Variants in ARHGAP32 observed in about 807,000 individuals in gnomAD.
ARHGAP32 encodes rho GTPase-activating protein 32.
In ARHGAP32, 51 loss-of-function variants were observed where a neutral mutation model predicts 186.5. That is an observed-to-expected ratio of 0.27 (90% CI 0.22 to 0.35). ARHGAP32 has a LOEUF of 0.35. Ranked by LOEUF, ARHGAP32 falls within the 10% of genes least tolerant of loss-of-function variation. The pLI, the probability that ARHGAP32 is intolerant of heterozygous loss-of-function variation, is 1.00. For synonymous variants in ARHGAP32, 950 were observed against 964.3 expected, an observed-to-expected ratio of 0.99 and a Z score of 0.27; for missense variants, 2,186 against 2,623.5, an observed-to-expected ratio of 0.83 and a Z score of 3.64.
Position 129,099,975 on chromosome 11 carries a change from G to T in ARHGAP32, c.445-6268C>A, listed in dbSNP as rs376570936. Among the ~76,000 whole-genome samples the T allele has an allele frequency of 1.5e-4, 23 of 152,314 alleles. No homozygotes were observed. The East Asian group carries it at 1.5e-3, about 10-fold the overall frequency. On this transcript the variant is annotated intron_variant, in intron 5 of 22. Coordinates refer to ENST00000682385, the MANE Select transcript of ARHGAP32 (RefSeq NM_001378024.1). ...TCGTTCCTGGATCCCAACAGCTCCC[G>T]GGGAAGAGGTGAATTGAACTGGCAA...
chr11:129,024,675 C>T (rs1938753810), intron 11 of ARHGAP32, among the ~76,000 whole-genome samples: 1 of 152,196 alleles, frequency 6.6e-6, no homozygotes, highest in East Asian at 1.9e-4. Context: ...ATGGGAAATC[C>T]AGAATTAAAC....
chr11:129,018,602 CT>C (rs1437457740), intron 11 of ARHGAP32, among the ~76,000 whole-genome samples: 1 of 152,136 alleles, frequency 6.6e-6, no homozygotes, highest in African/African-American at 2.4e-5. Flanking sequence ...TCGCATTCAT[CT>C]TGGGAAATAT....
intron 1 of ARHGAP32, among the ~76,000 whole-genome samples, chr11:129,244,936 A>G (rs868119791): frequency 1.7e-4 from 26 of 151,476 alleles, no homozygotes; most frequent in Non-Finnish European, 2.2e-4. Context: ...AATCATTAAA[A>G]AGTCAGGAAA....
At chr11:129,103,014 C>G (rs1276035939) in intron 5 of ARHGAP32, among the ~76,000 whole-genome samples, 2 of 152,138 alleles carry the variant, frequency 1.3e-5, no homozygotes, top group Non-Finnish European at 2.9e-5. Flanking sequence ...AAATGTGGTG[C>G]ACACATTTAC....
intron 13 of ARHGAP32, among the ~76,000 whole-genome samples, chr11:128,987,449 A>ATTAT (rs1945906961): frequency 6.6e-6 from 1 of 152,220 alleles, no homozygotes; most frequent in Non-Finnish European, 1.5e-5. Flanking sequence ...AAGTATTAAA[A>ATTAT]TCTCTACAGA....
At chr11:129,120,161 C>A (rs1045454894) in intron 5 of ARHGAP32, among the ~76,000 whole-genome samples, 1 of 151,928 alleles carries the variant, frequency 6.6e-6, no homozygotes, top group East Asian at 1.9e-4. Flanking sequence ...ATGGTTAGAT[C>A]CTGGATTTAT....
intron 5 of ARHGAP32, among the ~76,000 whole-genome samples, chr11:129,115,485 G>C (rs549671588): frequency 1.3e-5 from 2 of 152,164 alleles, no homozygotes; most frequent in Admixed American, 6.6e-5. Flanking sequence ...TAAAGTAACC[G>C]ATGTGCTCAT....
chr11:129,030,390 T>A (rs954120993), intron 11 of ARHGAP32: 2 of 152,130 alleles, frequency 1.3e-5, no homozygotes, highest in East Asian at 1.9e-4. Flanking sequence ...TAATACTGAA[T>A]GTAAAATAAC....
At chr11:128,996,697 C>T (rs1320951563) in intron 12 of ARHGAP32, among the ~76,000 whole-genome samples, 2 of 152,042 alleles carry the variant, frequency 1.3e-5, no homozygotes, top group African/African-American at 4.8e-5. Flanking sequence ...ACAATGGATT[C>T]TTATGTACAG....
rs1946155082 is a variant in ARHGAP32 at position 128,994,845 on chromosome 11, C to G, written c.1195+3474G>C. 2.6e-5 allele frequency among the ~76,000 whole-genome samples: 4 copies of G among 152,186 alleles called. No homozygotes were observed. The South Asian group carries it at 8.3e-4, about 32-fold the overall frequency. On this transcript the variant is annotated intron_variant, in intron 12 of 22. Transcript: ENST00000682385. The stretch of plus-strand genomic sequence containing the variant: ...TCATTTCTTACCAACCCTGATGAAA[C>G]AGGAAATTATTTTAATATGCCAAGT...
At position 128,969,793 on chromosome 11, in the gene ARHGAP32, C is replaced by A. The variant is rs781447623; in HGVS notation, c.5420G>T (p.Arg1807Leu). ...AGTTTTCCCAGGATCTGATTTACTA[C>A]GCAGATGGATGACATAGATCCCACC... ...DLGGIYVIHL[R>L]SKSDPGKTGL... is the part of the protein sequence containing the mutation. Residue 1807 changes from arginine (R) to leucine (L), a missense_variant, in exon 23 of 23, where the codon CGT becomes CTT. Physicochemically the swap from Arg to Leu is moderately radical, Grantham distance 102. Around this residue, in one of 5 missense-constraint regions of ARHGAP32, gnomAD observed 1,502 missense variants for 1,570.0 expected, o/e 0.96. Coordinates refer to ENST00000682385, the MANE Select transcript of ARHGAP32 (RefSeq NM_001378024.1). The surrounding 1 kb of genome is among the most constrained non-coding windows in gnomAD (Gnocchi z 4.8). 1 of 1,614,132 alleles carries A rather than the reference C, an allele frequency of 6.2e-7. No individual in the cohort carries two copies. Among genetic ancestry groups the A allele is most frequent in the Non-Finnish European group, 8.5e-7 (1 of 1,180,038 alleles).
intron 1 of ARHGAP32, among the ~76,000 whole-genome samples, chr11:129,177,761 C>T (rs535915729): frequency 1.2e-4 from 19 of 152,202 alleles, no homozygotes; most frequent in African/African-American, 4.3e-4. Context: ...AAACTCTCAA[C>T]AAATTAGGTA....
intron 1 of ARHGAP32, among the ~76,000 whole-genome samples, chr11:129,225,719 G>A (rs551510260): frequency 1.3e-5 from 2 of 152,068 alleles, no homozygotes; most frequent in African/African-American, 2.4e-5. Flanking sequence ...TACAAGACAC[G>A]CCAAGAAATA....
At chr11:129,191,658 G>A (rs1407060105) in intron 1 of ARHGAP32, among the ~76,000 whole-genome samples, 1 of 99,750 alleles carries the variant, frequency 1.0e-5, no homozygotes, top group East Asian at 2.5e-4. Flanking sequence ...AAGCAGGCAG[G>A]CAGGCAGGCA....
intron 1 of ARHGAP32, among the ~76,000 whole-genome samples, chr11:129,264,244 G>C (rs1363649161): frequency 6.6e-6 from 1 of 152,110 alleles, no homozygotes; most frequent in African/African-American, 2.4e-5. Context: ...TGGGAGAAGG[G>C]GAAAATGGCA....
At position 128,988,012 on chromosome 11, in the gene ARHGAP32, T is replaced by G; in HGVS notation, c.1298+11A>C. 1.3e-6 allele frequency: 2 copies of G among 1,596,816 alleles called. No individual in the cohort carries two copies. Among genetic ancestry groups the G allele is most frequent in the Non-Finnish European group, 8.6e-7 (1 of 1,165,244 alleles). The stretch of plus-strand genomic sequence containing the variant: ...TAAGAAGGAGTGAAAAAGTGCCATA[T>G]AAGATTTTACCGTAGTCTCTGGATA... On this transcript the variant is annotated intron_variant, in intron 13 of 22. Coordinates refer to ENST00000682385, the MANE Select transcript of ARHGAP32 (RefSeq NM_001378024.1).
intron 1 of ARHGAP32, among the ~76,000 whole-genome samples, chr11:129,264,651 T>C (rs12277797): frequency 0.022 from 3,404 of 152,218 alleles, 69 homozygotes; most frequent in African/African-American, 0.051. Flanking sequence ...AATAGAACCA[T>C]AGGAGACAGA....
At chr11:129,215,969 G>A (rs1364594922) in intron 1 of ARHGAP32, among the ~76,000 whole-genome samples, 1 of 152,082 alleles carries the variant, frequency 6.6e-6, no homozygotes, top group Non-Finnish European at 1.5e-5. Flanking sequence ...GAGGGGGTCT[G>A]GACACAGAGG....
chr11:129,022,106 T>C (rs1249056308), intron 11 of ARHGAP32, among the ~76,000 whole-genome samples: 1 of 152,100 alleles, frequency 6.6e-6, no homozygotes, highest in African/African-American at 2.4e-5. Context: ...TGTGTATTCT[T>C]ACAAAAATTA....
Sources: gnomAD v4.1 joint callset for allele counts (sites outside exome capture counted in the v4.1 genomes callset) on GRCh38, gnomAD v4.1.1 for gene constraint, gnomAD v4.1.1 regional missense constraint, Gnocchi (gnomAD v3.1) non-coding constraint, MANE v1.5 for transcripts, NCBI Gene and HGNC (gene_info 2026-07-23, HGNC 2026-07-21) for gene names.